Variants in ZC3H4 observed in about 807,000 individuals in gnomAD.
ZC3H4 encodes zinc finger CCCH-type containing 4, also known as zinc finger CCCH domain-containing protein 4.
A neutral mutation model predicts 108.3 loss-of-function variants in ZC3H4; 13 were observed. The observed-to-expected ratio is 0.12, with a 90% CI of 0.08 to 0.19. The LOEUF (loss-of-function observed/expected upper bound fraction) is 0.19, where lower values mean the gene tolerates loss of function less well. ZC3H4 is among the 10% of genes least tolerant of loss of function. ZC3H4 has a pLI of 1.00. For synonymous variants in ZC3H4, 917 were observed against 749.6 expected, an observed-to-expected ratio of 1.22 and a Z score of -3.65; for missense variants, 1,734 against 1,838.8, an observed-to-expected ratio of 0.94 and a Z score of 1.04.
intron 5 of ZC3H4, 101 bp from the exon 6 acceptor site, chr19:47,086,639 G>GCCT: frequency 1.4e-6 from 2 of 1,431,510 alleles, no homozygotes; most frequent in Admixed American, 3.0e-5. Flanking sequence ...CACTTCAGCT[G>GCCT]CCTCCTCCTC....
rs767466113 is a variant in ZC3H4, at chr19:47,069,361, C to A, written c.2147-18G>T. The A allele has an allele frequency of 1.2e-6, 2 of 1,608,142 alleles. No individual in the cohort carries two copies. The highest frequency in any genetic ancestry group is 2.2e-5 in the South Asian group (2 of 90,266). ...GTAGTCCTCTGTGGCAGGGAAGAACCGAGGGTTCATGTCGGGAAGGGCCTC... is the reference window on the plus strand; with the variant it reads ...GTAGTCCTCTGTGGCAGGGAAGAACAGAGGGTTCATGTCGGGAAGGGCCTC... On this transcript the variant is annotated intron_variant, in intron 13 of 14. Coordinates refer to ENST00000253048, the MANE Select transcript of ZC3H4 (RefSeq NM_015168.2).
chr19:47,097,625 G>A (rs2057843008), intron 2 of ZC3H4, among the ~76,000 whole-genome samples: 2 of 152,180 alleles, frequency 1.3e-5, no homozygotes, highest in African/African-American at 4.8e-5. Context: ...GCACAAAGGC[G>A]GTCTCAACAA....
intron 2 of ZC3H4, among the ~76,000 whole-genome samples, chr19:47,099,559 CAT>C (rs1171591546): frequency 2.0e-5 from 3 of 151,992 alleles, no homozygotes; most frequent in Non-Finnish European, 4.4e-5. Context: ...CACAACCACA[CAT>C]ACACTGTTCT....
At chr19:47,103,111 C>T (rs1040236114) in intron 2 of ZC3H4, among the ~76,000 whole-genome samples, 7 of 152,134 alleles carry the variant, frequency 4.6e-5, no homozygotes, top group African/African-American at 1.7e-4. Flanking sequence ...CAAGTTACTC[C>T]TGGCAGATGA....
At position 47,078,688 on chromosome 19, in the gene ZC3H4, T is replaced by C. The variant is rs2057465765; in HGVS notation, c.1440+2825A>G. Among the ~76,000 whole-genome samples, 4 of 151,966 alleles carry C rather than the reference T, an allele frequency of 2.6e-5. No individual in the cohort carries two copies. In the South Asian group the frequency reaches 8.3e-4, roughly 32 times the overall value. On this transcript the variant is annotated intron_variant, in intron 11 of 14. Coordinates refer to ENST00000253048, the MANE Select transcript of ZC3H4 (RefSeq NM_015168.2). ...CAGCCTGGCCAACAGGGTGAAACCC[T>C]GTCTCTACTAAAAATACAAAACTCA...
chr19:47,098,440 T>C (rs931276332), intron 2 of ZC3H4, among the ~76,000 whole-genome samples: 2 of 149,752 alleles, frequency 1.3e-5, no homozygotes, highest in African/African-American at 4.9e-5. Context: ...TAAGCCAAGA[T>C]TGTGCCATTG....
chr19:47,066,794 GC>G lies in ZC3H4; in HGVS notation c.3473del (p.Gly1158AlafsTer102). 1 of 1,600,612 alleles carries G rather than the reference GC, an allele frequency of 6.2e-7. No homozygotes were observed. On this transcript the variant is annotated frameshift_variant, in exon 15 of 15. Coordinates refer to ENST00000253048, the MANE Select transcript of ZC3H4 (RefSeq NM_015168.2). LOFTEE classifies it high-confidence loss of function. Reference protein sequence around the residue: ...LYDPRTPNAGGKATEPAADTG... With the variant: ...LYDPRTPNAGXKATEPAADTG... ...TGTCAGCAGCCGGCTCTGTGGCTTTGCCCCCCGCGTTGGGAGTCCTCGGGTC... is the reference window on the plus strand; with the variant it reads ...TGTCAGCAGCCGGCTCTGTGGCTTTGCCCCCGCGTTGGGAGTCCTCGGGTC...
chr19:47,096,392 G>A (rs574372358), intron 2 of ZC3H4, among the ~76,000 whole-genome samples: 1 of 152,218 alleles, frequency 6.6e-6, no homozygotes, highest in Non-Finnish European at 1.5e-5. Flanking sequence ...GCTGGGGTGC[G>A]GCCCACAGAA....
At chr19:47,071,691 C>T (rs1366678084) in intron 13 of ZC3H4, 87 bp downstream of exon 13, 25 of 1,409,916 alleles carry the variant, frequency 1.8e-5, no homozygotes, top group East Asian at 7.1e-5. Flanking sequence ...GAGACTTGGA[C>T]GAAGGAAGAA....
At chr19:47,078,492 C>A (rs4802331) in intron 11 of ZC3H4, among the ~76,000 whole-genome samples, 90,580 of 149,400 alleles carry the variant, frequency 0.61, 27,892 homozygotes, top group Non-Finnish European at 0.68. Context: ...TCAAAAAAAA[C>A]AAAAAATTAG....
intron 13 of ZC3H4, among the ~76,000 whole-genome samples, chr19:47,071,289 AGC>A (rs2057321217): frequency 6.6e-6 from 1 of 152,162 alleles, no homozygotes; most frequent in Admixed American, 6.5e-5. Flanking sequence ...TGGCTGCAGC[AGC>A]GTCATCTAAA....
intron 13 of ZC3H4, among the ~76,000 whole-genome samples, 155 bp from the exon 14 acceptor site, chr19:47,069,498 G>A (rs1281578280): frequency 2.0e-5 from 3 of 152,224 alleles, no homozygotes; most frequent in South Asian, 4.1e-4. Context: ...GGGGAACAGA[G>A]CGGCCCATGG....
At chr19:47,089,627 A>C (rs991104622) in intron 5 of ZC3H4, among the ~76,000 whole-genome samples, 2 of 152,156 alleles carry the variant, frequency 1.3e-5, no homozygotes, top group Non-Finnish European at 2.9e-5. Context: ...GGCTGGGAGA[A>C]TGGGGGAGCA....
intron 4 of ZC3H4, among the ~76,000 whole-genome samples, chr19:47,092,704 C>A (rs1382049514): frequency 6.6e-6 from 1 of 152,080 alleles, no homozygotes; most frequent in East Asian, 1.9e-4. Context: ...GTAATCCCAG[C>A]TACTCGGGAG....
chr19:47,077,901 A>G (rs1778364325), intron 11 of ZC3H4, among the ~76,000 whole-genome samples: 1 of 152,114 alleles, frequency 6.6e-6, no homozygotes, highest in African/African-American at 2.4e-5. Context: ...TTTTCAGGAA[A>G]AAGGTCTGTG....
chr19:47,067,479 C>A lies in ZC3H4; in HGVS notation c.2789G>T (p.Arg930Leu). 1 of 1,581,278 alleles carries A rather than the reference C, an allele frequency of 6.3e-7. No individual in the cohort carries two copies. Among genetic ancestry groups the A allele is most frequent in the South Asian group, 1.2e-5 (1 of 86,242 alleles). ...GTTCACGGCCTTCTCCCGCAGGGCCCGCTCCCCTTCCTCCTCCTCCGTTGG... is the reference window on the plus strand; with the variant it reads ...GTTCACGGCCTTCTCCCGCAGGGCCAGCTCCCCTTCCTCCTCCTCCGTTGG... ...PPPTEEEEGERALREKAVNIP... is the reference protein window; with the variant it reads ...PPPTEEEEGELALREKAVNIP... Residue 930 changes from arginine to leucine, a missense_variant, in exon 15 of 15, where the codon CGG (arginine) becomes CTG (leucine). Transcript: ENST00000253048. This position sits in a 1 kb window ranked among gnomAD's most constrained non-coding sequence, Gnocchi z 6.4.
intron 11 of ZC3H4, among the ~76,000 whole-genome samples, chr19:47,075,097 G>A (rs960092719): frequency 2.6e-5 from 4 of 152,112 alleles, no homozygotes; most frequent in Non-Finnish European, 5.9e-5. Flanking sequence ...CCTTCTCCTA[G>A]CCATTAGCAA....
intron 1 of ZC3H4, chr19:47,113,429 G>C (rs142793013): frequency 1.3e-5 from 2 of 152,714 alleles, no homozygotes; most frequent in African/African-American, 4.8e-5. Flanking sequence ...GATCGGGACC[G>C]GGGAAGGAGG....
rs761804261 is a variant in ZC3H4 at position 47,082,167 on chromosome 19, C to T, written c.1330+17G>A. 6.3e-7 allele frequency: 1 copy of T among 1,597,344 alleles called. No homozygotes were observed. Among genetic ancestry groups the T allele is most frequent in the South Asian group, 1.1e-5 (1 of 90,736 alleles). On this transcript the variant is annotated intron_variant, in intron 10 of 14. Coordinates refer to ENST00000253048, the MANE Select transcript of ZC3H4 (RefSeq NM_015168.2). The stretch of plus-strand genomic sequence containing the variant: ...TCTGCGCCCTCATTCAGACCAGATG[C>T]TGGCACTAAAGGATATCGTGCATAT...
Sources: allele counts gnomAD v4.1 joint callset (sites outside exome capture counted in the v4.1 genomes callset), GRCh38; gene constraint gnomAD v4.1.1; non-coding constraint Gnocchi (gnomAD v3.1); transcripts MANE v1.5; gene names NCBI Gene and HGNC (gene_info 2026-07-23, HGNC 2026-07-21).